NTRK2: variants seen among roughly 807,000 people sequenced by gnomAD.
The protein encoded by NTRK2 is neurotrophic receptor tyrosine kinase 2.
Under a neutral mutation model 94.5 loss-of-function variants are expected in NTRK2, and 13 were observed. That is an observed-to-expected ratio of 0.14 (90% CI 0.09 to 0.22). The LOEUF is 0.22. Among genes scored for constraint, NTRK2 ranks in the 10% least tolerant of loss-of-function variants. The pLI, the probability that NTRK2 is intolerant of heterozygous loss-of-function variation, is 1.00. For synonymous variants in NTRK2, 372 were observed against 407.4 expected, an observed-to-expected ratio of 0.91 and a Z score of 1.05; for missense variants, 639 against 1,071.2, an observed-to-expected ratio of 0.60 and a Z score of 5.63.
chr9:84,703,327 A>G (rs1193838810), intron 4 of NTRK2, among the ~76,000 whole-genome samples: 1 of 152,202 alleles, frequency 6.6e-6, no homozygotes, highest in Non-Finnish European at 1.5e-5. Context: ...TTTTTCTGAC[A>G]ATTGGTAGGA....
At chr9:84,773,073 C>A (rs374612633) in intron 12 of NTRK2, among the ~76,000 whole-genome samples, 1 of 152,120 alleles carries the variant, frequency 6.6e-6, no homozygotes, top group Non-Finnish European at 1.5e-5. Flanking sequence ...TCCTGCCAAG[C>A]CTTTTTTTTT....
intron 12 of NTRK2, among the ~76,000 whole-genome samples, chr9:84,844,843 G>A (rs945531898): frequency 1.3e-5 from 2 of 151,142 alleles, no homozygotes; most frequent in African/African-American, 4.9e-5. Flanking sequence ...AAATACTAAA[G>A]AATTCATCCA....
intron 15 of NTRK2, among the ~76,000 whole-genome samples, chr9:84,946,808 G>A (rs1199593834): frequency 6.6e-6 from 1 of 152,194 alleles, no homozygotes; most frequent in Admixed American, 6.5e-5. Flanking sequence ...TCCTTCTGGA[G>A]GTTCTAGGTT....
chr9:84,823,674 G>A (rs559137895), intron 12 of NTRK2, among the ~76,000 whole-genome samples: 69 of 152,298 alleles, frequency 4.5e-4, no homozygotes, highest in Admixed American at 1.4e-3. Context: ...AAAGCCTAGC[G>A]TACCCAAATC....
intron 12 of NTRK2, among the ~76,000 whole-genome samples, chr9:84,820,712 C>T (rs1207369010): frequency 6.6e-6 from 1 of 152,138 alleles, no homozygotes; most frequent in Non-Finnish European, 1.5e-5. Context: ...TTCCAACCTG[C>T]GTTGTTCAAG....
chr9:84,936,005 T>C lies in NTRK2; in HGVS notation c.1764+1713T>C, dbSNP rs566043395. On this transcript the variant is annotated intron_variant, in intron 15 of 18. Coordinates refer to ENST00000277120, the MANE Select transcript of NTRK2 (RefSeq NM_006180.6). ...TTATAGACAAGGAATCTTAAGACTC[T>C]GGATTTGTGTTCTGGGTGCATATTT... Among the ~76,000 whole-genome samples the C allele has an allele frequency of 8.5e-4, 129 of 152,304 alleles. 1 individual carries two copies. Among genetic ancestry groups the C allele is most frequent in the African/African-American group, 3.0e-3 (124 of 41,550 alleles).
intron 15 of NTRK2, 40 bp downstream of exon 15, chr9:84,934,332 C>T: frequency 6.2e-7 from 1 of 1,610,448 alleles, no homozygotes; most frequent in South Asian, 1.1e-5. Flanking sequence ...ACCATGATCA[C>T]ACTTACGTGT....
At chr9:84,997,885 T>C (rs948544188) in intron 17 of NTRK2, among the ~76,000 whole-genome samples, 2 of 152,140 alleles carry the variant, frequency 1.3e-5, no homozygotes, top group African/African-American at 4.8e-5. Context: ...CTCCACTGCC[T>C]CAGAGCCTCT....
At position 85,024,957 on chromosome 9, in the gene NTRK2, A is replaced by G. The variant is rs1832962435; in HGVS notation, c.*3520A>G. 8.6e-6 allele frequency: 2 copies of G among 232,946 alleles called. No individual in the cohort carries two copies. The highest frequency in any genetic ancestry group is 1.7e-5 in the Non-Finnish European group (2 of 117,934). The allele number at this position is 232,946 out of a possible 1,614,324, so 14.4% of individuals were successfully genotyped here. A position where few individuals can be genotyped will look rare whatever the true frequency, so the allele number is the denominator to read the frequency against. The stretch of plus-strand genomic sequence containing the variant: ...TATACATATACAAATGCACATACGT[A>G]GTGTGTTTGTGTGTTTATGTATAAA... On this transcript the variant is annotated 3_prime_UTR_variant, in exon 19 of 19. Coordinates refer to ENST00000277120, the MANE Select transcript of NTRK2 (RefSeq NM_006180.6).
chr9:84,968,475 G>A (rs933805512), intron 17 of NTRK2, among the ~76,000 whole-genome samples: 1 of 152,176 alleles, frequency 6.6e-6, no homozygotes, highest in Non-Finnish European at 1.5e-5. Context: ...TTGGGAAGGG[G>A]CTTCAGAAGT....
At chr9:84,755,009 G>A (rs2064958319) in intron 12 of NTRK2, among the ~76,000 whole-genome samples, 1 of 152,206 alleles carries the variant, frequency 6.6e-6, no homozygotes, top group Non-Finnish European at 1.5e-5. Flanking sequence ...CCACACTACA[G>A]CTGAGTGCAG....
chr9:84,886,781 A>AG lies in NTRK2; in HGVS notation c.1633+19351dup, dbSNP rs200491019. On this transcript the variant is annotated intron_variant, in intron 14 of 18. Coordinates refer to ENST00000277120, the MANE Select transcript of NTRK2 (RefSeq NM_006180.6). ...CAGTTCTTGCTTCTAGATTTTGCTT[A>AG]GCTTGTGTTTTCTGGGCCACCAAAT... 4.7e-3 allele frequency among the ~76,000 whole-genome samples: 710 copies of AG among 152,280 alleles called. 13 individuals are homozygous for AG. Among genetic ancestry groups the AG allele is most frequent in the Admixed American group, 0.038 (577 of 15,298 alleles).
At chr9:84,698,466 C>T (rs1009541652) in intron 2 of NTRK2, among the ~76,000 whole-genome samples, 1 of 152,066 alleles carries the variant, frequency 6.6e-6, no homozygotes, top group Non-Finnish European at 1.5e-5. Flanking sequence ...CAGCTTTTGA[C>T]TCTATGACAA....
At chr9:84,867,578 T>C (rs1416761605) in intron 14 of NTRK2, 147 bp downstream of exon 14, 6 of 754,194 alleles carry the variant, frequency 8.0e-6, no homozygotes, top group South Asian at 1.5e-5. Context: ...GGCCCAGGAA[T>C]AGATCCTTTA....
intron 16 of NTRK2, among the ~76,000 whole-genome samples, chr9:84,951,141 AATT>A (rs2078767631): frequency 6.6e-6 from 1 of 152,080 alleles, no homozygotes; most frequent in African/African-American, 2.4e-5. Context: ...CGTGCAATTT[AATT>A]CTTCTTTGCT....
At chr9:84,921,846 C>A (rs1216475260) in intron 14 of NTRK2, among the ~76,000 whole-genome samples, 3 of 152,076 alleles carry the variant, frequency 2.0e-5, no homozygotes, top group African/African-American at 4.8e-5. Flanking sequence ...GGACATAATA[C>A]CCAGAAAACC....
chr9:84,814,652 C>T, intron 12 of NTRK2: 1 of 1,065,520 alleles, frequency 9.4e-7, no homozygotes, highest in South Asian at 4.5e-5. Flanking sequence ...TCTAGAACTT[C>T]TCTCTTGGTT....
At chr9:84,959,660 A>G (rs1588050581) in intron 17 of NTRK2, among the ~76,000 whole-genome samples, 1 of 152,248 alleles carries the variant, frequency 6.6e-6, no homozygotes, top group Admixed American at 6.5e-5. Context: ...TGGCGGGTCC[A>G]AAATTACTCT....
chr9:84,986,608 A>C (rs1353087837), intron 17 of NTRK2, among the ~76,000 whole-genome samples: 1 of 139,306 alleles, frequency 7.2e-6, no homozygotes, highest in African/African-American at 2.6e-5. Flanking sequence ...GGATTGCTCC[A>C]GTCACAACTG....
Sources: gnomAD v4.1 joint callset for allele counts (sites outside exome capture counted in the v4.1 genomes callset) on GRCh38, gnomAD v4.1.1 for gene constraint, MANE v1.5 for transcripts, NCBI Gene and HGNC (gene_info 2026-07-23, HGNC 2026-07-21) for gene names.